NPAS3: variants seen among roughly 807,000 people sequenced by gnomAD.
NPAS3 encodes neuronal PAS domain-containing protein 3.
A neutral mutation model predicts 73.1 loss-of-function variants in NPAS3; 14 were observed. The observed-to-expected ratio is 0.19, with a 90% CI of 0.13 to 0.30. The LOEUF (loss-of-function observed/expected upper bound fraction) is 0.30. NPAS3 is among the 10% of genes least tolerant of loss of function. The probability of loss-of-function intolerance (pLI) is 1.00; values close to 1 mark genes in which losing one functional copy is unlikely to be tolerated. For missense variants in NPAS3, 1,096 were observed against 1,250.0 expected, an observed-to-expected ratio of 0.88 and a Z score of 1.86; for synonymous variants, 620 against 541.5, an observed-to-expected ratio of 1.14 and a Z score of -2.01.
At chr14:33,270,998 G>T (rs1171512314) in intron 3 of NPAS3, among the ~76,000 whole-genome samples, 1 of 152,186 alleles carries the variant, frequency 6.6e-6, no homozygotes, top group Non-Finnish European at 1.5e-5. Context: ...AAAAAGCATA[G>T]AAATTTATTT....
intron 4 of NPAS3, among the ~76,000 whole-genome samples, chr14:33,516,457 C>T (rs1408137176): frequency 2.0e-5 from 3 of 152,114 alleles, no homozygotes; most frequent in Non-Finnish European, 4.4e-5. Flanking sequence ...TGGAATAGAT[C>T]GTAGCTACGT....
rs528643770 is a variant in NPAS3, at chr14:33,158,977, A to G, written c.141-56205A>G. 3.3e-3 allele frequency among the ~76,000 whole-genome samples: 497 copies of G among 152,262 alleles called. 2 individuals are homozygous for G. Among genetic ancestry groups the G allele is most frequent in the Non-Finnish European group, 5.8e-3 (397 of 68,022 alleles). On this transcript the variant is annotated intron_variant, in intron 2 of 11. Coordinates refer to ENST00000356141, the Ensembl canonical transcript of NPAS3. ...CAGGAGTTCGAGACCAGCCTGGCCA[A>G]TGTGGTGAAACACTGCCTCTACCAA...
intron 3 of NPAS3, among the ~76,000 whole-genome samples, chr14:33,362,784 T>C (rs2045665262): frequency 6.6e-6 from 1 of 152,122 alleles, no homozygotes; most frequent in African/African-American, 2.4e-5. Flanking sequence ...CTCCACCTTA[T>C]GGGGGAGGAT....
At chr14:33,784,756 T>TA (rs2063113153) in intron 9 of NPAS3, among the ~76,000 whole-genome samples, 2 of 124,820 alleles carry the variant, frequency 1.6e-5, no homozygotes, top group African/African-American at 6.2e-5. Context: ...TTTTTTTTTT[T>TA]TTTTTTTTTT....
At chr14:33,588,252 G>A (rs545106949) in intron 5 of NPAS3, among the ~76,000 whole-genome samples, 1 of 152,288 alleles carries the variant, frequency 6.6e-6, no homozygotes, top group South Asian at 2.1e-4. Flanking sequence ...GATGTAGCCT[G>A]TGGCACTGAA....
At position 33,680,585 on chromosome 14, in the gene NPAS3, T is replaced by C. The variant is rs74939146; in HGVS notation, c.733+4200T>C. Reference sequence around the variant, plus strand: ...ATTTTCATGTTTCTCTAAGATAAAATTCCCTTTCTGTCTCCAGTGGTTTGC... The same window carrying C: ...ATTTTCATGTTTCTCTAAGATAAAACTCCCTTTCTGTCTCCAGTGGTTTGC... On this transcript the variant is annotated intron_variant, in intron 6 of 11. Transcript: ENST00000356141. The C allele has an allele frequency of 4.6e-4, 325 of 702,584 alleles. No individual in the cohort carries two copies. The African/African-American group carries it at 4.8e-3, about 10-fold the overall frequency. The allele number at this position is 702,584 out of a possible 1,614,324, so 43.5% of individuals were successfully genotyped here.
chr14:33,589,467 A>G (rs1030652122), intron 5 of NPAS3, among the ~76,000 whole-genome samples: 2 of 152,190 alleles, frequency 1.3e-5, no homozygotes, highest in African/African-American at 2.4e-5. Context: ...ATGAGGTTCT[A>G]TTGTTACGTC....
At chr14:33,204,268 C>T (rs76052130) in intron 2 of NPAS3, among the ~76,000 whole-genome samples, 1,940 of 152,126 alleles carry the variant, frequency 0.013, 44 homozygotes, top group African/African-American at 0.044. Flanking sequence ...CATGGTAATC[C>T]GTGCCACATA....
intron 3 of NPAS3, among the ~76,000 whole-genome samples, chr14:33,268,768 G>A (rs1455994867): frequency 2.0e-5 from 3 of 152,126 alleles, no homozygotes; most frequent in Non-Finnish European, 4.4e-5. Flanking sequence ...CATGGATACT[G>A]GAAAATTGAA....
chr14:32,984,346 T>A (rs1318728959), intron 1 of NPAS3, among the ~76,000 whole-genome samples: 1 of 152,224 alleles, frequency 6.6e-6, no homozygotes, highest in Non-Finnish European at 1.5e-5. Context: ...TCTTGCCACA[T>A]TTTTAGTGCT....
chr14:33,612,880 G>C (rs972684666), intron 5 of NPAS3, among the ~76,000 whole-genome samples: 1 of 152,024 alleles, frequency 6.6e-6, no homozygotes. Flanking sequence ...AGAAAGTACC[G>C]GGGTTTCTTA....
At chr14:33,702,424 T>G (rs1197568173) in intron 6 of NPAS3, among the ~76,000 whole-genome samples, 2 of 152,218 alleles carry the variant, frequency 1.3e-5, no homozygotes, top group Non-Finnish European at 2.9e-5. Context: ...CAAATAATCC[T>G]AACAAATTAT....
intron 3 of NPAS3, among the ~76,000 whole-genome samples, chr14:33,250,352 C>G (rs766916940): frequency 2.0e-5 from 3 of 152,054 alleles, no homozygotes; most frequent in Non-Finnish European, 4.4e-5. Flanking sequence ...GAGGATTTAT[C>G]TCTGTGGTAA....
At chr14:33,643,663 A>G (rs1027407068) in intron 5 of NPAS3, among the ~76,000 whole-genome samples, 7 of 152,192 alleles carry the variant, frequency 4.6e-5, no homozygotes, top group Admixed American at 2.6e-4. Context: ...TGAATCACAT[A>G]TTCAGCTACT....
chr14:33,419,928 T>A (rs555289914), intron 4 of NPAS3, among the ~76,000 whole-genome samples: 1 of 152,032 alleles, frequency 6.6e-6, no homozygotes, highest in East Asian at 1.9e-4. Context: ...TGCTTGAAAG[T>A]GTTTGTGTGG....
At chr14:33,324,376 A>C (rs2043595146) in intron 3 of NPAS3, among the ~76,000 whole-genome samples, 1 of 152,208 alleles carries the variant, frequency 6.6e-6, no homozygotes, top group Non-Finnish European at 1.5e-5. Flanking sequence ...ATAATTAACA[A>C]TAGCAATAAC....
chr14:33,012,132 C>G (rs73266752), intron 1 of NPAS3, among the ~76,000 whole-genome samples: 7,090 of 152,142 alleles, frequency 0.047, 478 homozygotes, highest in African/African-American at 0.15. Flanking sequence ...GCATCCAGGC[C>G]TCTGCACAGA....
intron 4 of NPAS3, among the ~76,000 whole-genome samples, chr14:33,511,552 G>A (rs1261639378): frequency 6.6e-6 from 1 of 152,002 alleles, no homozygotes; most frequent in Non-Finnish European, 1.5e-5. Context: ...ATGTGGCCGC[G>A]CTGTTGTATC....
chr14:33,197,269 T>TGTG (rs1300549499), intron 2 of NPAS3, among the ~76,000 whole-genome samples: 23 of 20,800 alleles, frequency 1.1e-3, no homozygotes, highest in Non-Finnish European at 2.2e-3. Context: ...GTGTGTGTGT[T>TGTG]CTTTTTCAAT....
Sources: gnomAD v4.1 joint callset for allele counts (sites outside exome capture counted in the v4.1 genomes callset) on GRCh38, gnomAD v4.1.1 for gene constraint, MANE v1.5 for transcripts, NCBI Gene and HGNC (gene_info 2026-07-23, HGNC 2026-07-21) for gene names.